Variants in PPP2R2C observed in about 807,000 individuals in gnomAD.
PPP2R2C encodes protein phosphatase 2 regulatory subunit Bgamma.
PPP2R2C carries 10 observed loss-of-function variants against 45.3 expected under a neutral mutation model. The observed-to-expected ratio is 0.22, with a 90% CI of 0.14 to 0.37. The LOEUF (loss-of-function observed/expected upper bound fraction) is 0.37, where lower values mean the gene tolerates loss of function less well. Among genes scored for constraint, PPP2R2C ranks in the 10% least tolerant of loss-of-function variants. The probability of loss-of-function intolerance (pLI) is 1.00; values close to 1 mark genes in which losing one functional copy is unlikely to be tolerated. For synonymous variants in PPP2R2C, 257 were observed against 245.4 expected (o/e 1.05, Z -0.44); for missense variants, 308 against 619.7 (o/e 0.50, Z 5.34).
At chr4:6,472,009 ATGGGG>A (rs1178287354) in intron 1 of PPP2R2C, 146 bp downstream of exon 1, 46 of 737,458 alleles carry the variant, frequency 6.2e-5, no homozygotes, top group Middle Eastern at 8.0e-4. Context: ...GTGGGATGGG[ATGGGG>A]TGGGGTGGGG....
At chr4:6,431,564 G>C (rs77094575) in intron 1 of PPP2R2C, among the ~76,000 whole-genome samples, 14,029 of 152,226 alleles carry the variant, frequency 0.092, 1,070 homozygotes, top group East Asian at 0.37. Flanking sequence ...CAAAGCTGTG[G>C]AGGGGACATG....
intron 1 of PPP2R2C, among the ~76,000 whole-genome samples, chr4:6,420,766 T>C (rs753632067): frequency 3.9e-5 from 6 of 152,282 alleles, no homozygotes; most frequent in South Asian, 2.1e-4. Context: ...AATGGAGCCA[T>C]AGAGTTGGAA....
chr4:6,441,638 C>T (rs1393908386), intron 1 of PPP2R2C, among the ~76,000 whole-genome samples: 1 of 152,228 alleles, frequency 6.6e-6, no homozygotes, highest in Non-Finnish European at 1.5e-5. Context: ...GGGCTCTACC[C>T]TCATCCATGC....
intron 2 of PPP2R2C, chr4:6,523,536 AC>A (rs1188244272): frequency 6.6e-6 from 1 of 152,224 alleles, no homozygotes; most frequent in Non-Finnish European, 1.5e-5. Context: ...GACAACGCAC[AC>A]CCACGAGGAT....
rs911766914 is a variant in PPP2R2C at position 6,368,348 on chromosome 4, G to A, written c.625+4175C>T. Among the ~76,000 whole-genome samples the A allele has an allele frequency of 2.0e-5, 3 of 152,202 alleles. No homozygotes were observed. The highest frequency in any genetic ancestry group is 6.5e-5 in the Admixed American group (1 of 15,290). On this transcript the variant is annotated intron_variant, in intron 5 of 8. Transcript: ENST00000382599. This position sits in a 1 kb window ranked among gnomAD's most constrained non-coding sequence, Gnocchi z 4.2. ...GCCACCGACTCCCTGTAGCACCCACGGACCACCTGCTCCAATGCCGGGTAT... is the reference window on the plus strand; with the variant it reads ...GCCACCGACTCCCTGTAGCACCCACAGACCACCTGCTCCAATGCCGGGTAT...
intron 4 of PPP2R2C, among the ~76,000 whole-genome samples, chr4:6,375,330 C>A (rs1715213384): frequency 1.3e-5 from 2 of 152,144 alleles, no homozygotes; most frequent in African/African-American, 4.8e-5. Context: ...GTGTCTGTTT[C>A]AGGGTATGTC....
At chr4:6,381,317 C>G in intron 1 of PPP2R2C, 1 of 1,521,298 alleles carries the variant, frequency 6.6e-7, no homozygotes, top group Non-Finnish European at 8.8e-7. Context: ...GGGCAGAGAT[C>G]TCGGGACTTG....
At chr4:6,357,578 C>T (rs144357940) in intron 5 of PPP2R2C, among the ~76,000 whole-genome samples, 3,111 of 152,312 alleles carry the variant, frequency 0.02, 51 homozygotes, top group South Asian at 0.039. Flanking sequence ...CTACAGGAGG[C>T]GATGCAGTCT....
intron 1 of PPP2R2C, among the ~76,000 whole-genome samples, chr4:6,442,562 C>A (rs1720208605): frequency 6.6e-6 from 1 of 152,192 alleles, no homozygotes; most frequent in East Asian, 1.9e-4. Context: ...GGAGAGGCGA[C>A]AAGGTGACAC....
chr4:6,353,267 AACACCGACAGTCCCCCC>A (rs1712733785), intron 5 of PPP2R2C, among the ~76,000 whole-genome samples: 2 of 96,874 alleles, frequency 2.1e-5, no homozygotes, highest in Non-Finnish European at 4.4e-5. Flanking sequence ...ACAGCCCCCC[AACACCGACAGTCCCCCC>A]ACACCGACAG....
In PPP2R2C at chr4:6,345,958, C is replaced by T. The variant is rs372402873; in HGVS notation, c.790+1888G>A. 1.1e-4 allele frequency among the ~76,000 whole-genome samples: 16 copies of T among 152,138 alleles called. No homozygotes were observed. Among genetic ancestry groups the T allele is most frequent in the East Asian group, 7.7e-4 (4 of 5,186 alleles). On this transcript the variant is annotated intron_variant, in intron 6 of 8. Coordinates refer to ENST00000382599, the MANE Select transcript of PPP2R2C (RefSeq NM_020416.4). The surrounding 1 kb of genome is among the most constrained non-coding windows in gnomAD (Gnocchi z 5.3). ...TGGAACCCAATACGGGCCTCAGGCT[C>T]GCGGGTCTGAAACCTGCCTGCTGGT...
chr4:6,497,801 G>T (rs1174890815), intron 2 of PPP2R2C, among the ~76,000 whole-genome samples: 1 of 152,150 alleles, frequency 6.6e-6, no homozygotes, highest in East Asian at 1.9e-4. Context: ...GAAGTCAAAG[G>T]ACCCAAAAAG....
chr4:6,511,553 T>C (rs868859115), intron 2 of PPP2R2C, among the ~76,000 whole-genome samples: 1 of 37,200 alleles, frequency 2.7e-5, no homozygotes, highest in East Asian at 8.7e-4. Context: ...GTGATGGTGG[T>C]GGTGGTGGTG....
At chr4:6,381,117 G>C in intron 1 of PPP2R2C, 23 bp from the exon 2 acceptor site, 1 of 1,559,392 alleles carries the variant, frequency 6.4e-7, no homozygotes, top group Non-Finnish European at 8.7e-7. Context: ...CAGCAAGACG[G>C]GAAGGGGTGG....
intron 2 of PPP2R2C, among the ~76,000 whole-genome samples, chr4:6,494,124 A>C (rs1722799190): frequency 6.6e-6 from 1 of 152,186 alleles, no homozygotes; most frequent in Admixed American, 6.5e-5. Context: ...CAGGGACAGG[A>C]TCAGGCAGGC....
intron 1 of PPP2R2C, among the ~76,000 whole-genome samples, chr4:6,443,762 C>T (rs554983623): frequency 6.6e-6 from 1 of 152,220 alleles, no homozygotes; most frequent in African/African-American, 2.4e-5. Context: ...AAATGTATTC[C>T]CTCCCCACCC....
intron 1 of PPP2R2C, among the ~76,000 whole-genome samples, chr4:6,440,244 G>T (rs117647415): frequency 6.6e-6 from 1 of 152,260 alleles, no homozygotes; most frequent in Non-Finnish European, 1.5e-5. Flanking sequence ...GGATGCGTGC[G>T]CAGATGGACA....
At chr4:6,553,547 C>A (rs919902317) in intron 1 of PPP2R2C, among the ~76,000 whole-genome samples, 1 of 152,200 alleles carries the variant, frequency 6.6e-6, no homozygotes, top group Admixed American at 6.5e-5. Context: ...CCACAGGTAG[C>A]CTTCATTCAA....
chr4:6,424,037 G>A (rs990477883), intron 1 of PPP2R2C, among the ~76,000 whole-genome samples: 2 of 152,232 alleles, frequency 1.3e-5, no homozygotes, highest in African/African-American at 4.8e-5. Flanking sequence ...CAGGGTCCCC[G>A]GCTGGAGGAA....
Sources: gnomAD v4.1 joint callset for allele counts (sites outside exome capture counted in the v4.1 genomes callset) on GRCh38, gnomAD v4.1.1 for gene constraint, Gnocchi (gnomAD v3.1) non-coding constraint, MANE v1.5 for transcripts, NCBI Gene and HGNC (gene_info 2026-07-23, HGNC 2026-07-21) for gene names.